The following SLC71A1 variants were observed in gnomAD, a reference collection of about 807,000 sequenced individuals.
The protein encoded by SLC71A1 is solute carrier family 71 member 1.
At chr1:100,051,805 A>G in the SLC71A1 span, among the ~76,000 whole-genome samples, 3 of 152,216 alleles carry the variant, frequency 2.0e-5, no homozygotes, top group African/African-American at 7.2e-5. Context: ...ACGTGTATTT[A>G]TATTATGATG....
chr1:100,062,103 T>A, the SLC71A1 span: 1 of 549,280 alleles, frequency 1.8e-6, no homozygotes, highest in Non-Finnish European at 3.2e-6. Flanking sequence ...CATTTAAAAT[T>A]TTTTTGCGGT....
At chr1:100,050,724 G>T in the SLC71A1 span, among the ~76,000 whole-genome samples, 2 of 152,106 alleles carry the variant, frequency 1.3e-5, no homozygotes, top group Admixed American at 6.5e-5. Context: ...GATTGAACTA[G>T]CCTAAGAACA....
the SLC71A1 span, among the ~76,000 whole-genome samples, chr1:100,066,894 C>T: frequency 1.4e-5 from 2 of 141,866 alleles, no homozygotes; most frequent in African/African-American, 5.3e-5. Context: ...GAGGCTGAGG[C>T]AGGAGAATGG....
At chr1:100,046,266 G>A in the SLC71A1 span, among the ~76,000 whole-genome samples, 594 of 114,508 alleles carry the variant, frequency 5.2e-3, 2 homozygotes, top group Middle Eastern at 0.018. Flanking sequence ...TAGCTCTGTC[G>A]CCTAGGCTGG....
chr1:100,068,577 C>T, the SLC71A1 span: 1 of 1,582,416 alleles, frequency 6.3e-7, no homozygotes, highest in African/African-American at 1.3e-5. Context: ...TTTTTTTATA[C>T]CTCAGACAGG....
At chr1:100,067,952 T>G in the SLC71A1 span, 1 of 1,600,416 alleles carries the variant, frequency 6.2e-7, no homozygotes, top group Non-Finnish European at 8.6e-7. Flanking sequence ...CTGACTAATC[T>G]CTGTCTATCC....
chr1:100,081,903 A>G, the SLC71A1 span: 3 of 864,656 alleles, frequency 3.5e-6, no homozygotes, highest in South Asian at 3.3e-5. Context: ...GAGAAGAGCA[A>G]TTAGCTTGTA....
the SLC71A1 span, chr1:100,058,743 A>G: frequency 5.5e-6 from 8 of 1,455,804 alleles, no homozygotes; most frequent in Non-Finnish European, 6.7e-6. Context: ...GATCAGTCAT[A>G]CATATATATG....
the SLC71A1 span, among the ~76,000 whole-genome samples, chr1:100,045,379 A>G: frequency 6.6e-6 from 1 of 152,050 alleles, no homozygotes; most frequent in African/African-American, 2.4e-5. Context: ...CGTTTATCAG[A>G]TCTCGGAGCT....
chr1:100,043,575 T>A, the SLC71A1 span, among the ~76,000 whole-genome samples: 10 of 152,366 alleles, frequency 6.6e-5, no homozygotes, highest in African/African-American at 1.9e-4. Context: ...TATTATTTTT[T>A]AAAATATTTC....
chr1:100,080,713 G>C, the SLC71A1 span: 4 of 1,485,880 alleles, frequency 2.7e-6, no homozygotes, highest in African/African-American at 1.4e-5. Context: ...TAGATTAAAG[G>C]CTACTGGTTT....
chr1:100,065,338 ATTCTT>A, the SLC71A1 span, among the ~76,000 whole-genome samples: 1 of 152,236 alleles, frequency 6.6e-6, no homozygotes, highest in Non-Finnish European at 1.5e-5. Flanking sequence ...GCAAGTAAGC[ATTCTT>A]GTGAAGTTTA....
At chr1:100,044,279 T>C in the SLC71A1 span, among the ~76,000 whole-genome samples, 1 of 152,366 alleles carries the variant, frequency 6.6e-6, no homozygotes, top group African/African-American at 2.4e-5. Flanking sequence ...GTGGTTTTAA[T>C]TTGCATTTCC....
At chr1:100,040,300 C>G in the SLC71A1 span, among the ~76,000 whole-genome samples, 1 of 149,366 alleles carries the variant, frequency 6.7e-6, no homozygotes. Flanking sequence ...GGATATATTT[C>G]AATAAATATC....
the SLC71A1 span, chr1:100,078,627 A>AGT: frequency 1.0e-6 from 1 of 995,812 alleles, no homozygotes; most frequent in Non-Finnish European, 1.6e-6. Flanking sequence ...TATGTACTGA[A>AGT]ACATAAGTAT....
the SLC71A1 span, among the ~76,000 whole-genome samples, chr1:100,051,074 A>C: frequency 6.6e-6 from 1 of 150,588 alleles, no homozygotes; most frequent in Non-Finnish European, 1.5e-5. Context: ...GACGGGAGTG[A>C]AACCTTGTCT....
chr1:100,059,686 C>T, the SLC71A1 span, among the ~76,000 whole-genome samples: 5 of 152,014 alleles, frequency 3.3e-5, no homozygotes, highest in Admixed American at 2.0e-4. Flanking sequence ...CCTGGAGCCC[C>T]ACAGATGATT....
the SLC71A1 span, among the ~76,000 whole-genome samples, chr1:100,043,804 G>A: frequency 3.9e-5 from 6 of 152,292 alleles, no homozygotes; most frequent in Admixed American, 3.3e-4. Context: ...GAGAACATAC[G>A]ACATTTGGTT....
At chr1:100,080,338 T>A in the SLC71A1 span, 1 of 608,914 alleles carries the variant, frequency 1.6e-6, no homozygotes, top group East Asian at 2.8e-5. Flanking sequence ...AGCTGATAGC[T>A]TCTAAATATT....
Sources: allele counts gnomAD v4.1 joint callset (sites outside exome capture counted in the v4.1 genomes callset), GRCh38; gene constraint gnomAD v4.1.1; transcripts MANE v1.5; gene names NCBI Gene and HGNC (gene_info 2026-07-23, HGNC 2026-07-21).